The following IL1RAP variants were observed in gnomAD, a reference collection of about 807,000 sequenced individuals.
The protein encoded by IL1RAP is interleukin 1 receptor accessory protein.
IL1RAP carries 35 observed loss-of-function variants against 60.7 expected under a neutral mutation model. The observed-to-expected ratio is 0.58, with a 90% CI of 0.44 to 0.76. The LOEUF (loss-of-function observed/expected upper bound fraction) is 0.76. Among genes scored for constraint, IL1RAP ranks in the 30% least tolerant of loss-of-function variants. The pLI, the probability that IL1RAP is intolerant of heterozygous loss-of-function variation, is 0.00. For missense variants in IL1RAP, 572 were observed against 693.9 expected (o/e 0.82, Z 1.97); for synonymous variants, 268 against 250.9 (o/e 1.07, Z -0.64).
intron 1 of IL1RAP, among the ~76,000 whole-genome samples, chr3:190,534,271 T>G (rs1366084831): frequency 7.2e-6 from 1 of 138,440 alleles, no homozygotes; most frequent in Non-Finnish European, 1.5e-5. Context: ...CCAGCCCACT[T>G]CATTTTTTTT....
chr3:190,569,512 A>C (rs1466115688), intron 3 of IL1RAP, among the ~76,000 whole-genome samples: 1 of 152,172 alleles, frequency 6.6e-6, no homozygotes, highest in East Asian at 1.9e-4. Context: ...TCTTAGTCCT[A>C]AAGGTCATTG....
intron 1 of IL1RAP, among the ~76,000 whole-genome samples, chr3:190,555,110 G>GA (rs1423915606): frequency 6.6e-6 from 1 of 152,118 alleles, no homozygotes; most frequent in African/African-American, 2.4e-5. Flanking sequence ...TTTAAGGGGA[G>GA]AAAACCTCAG....
intron 1 of IL1RAP, among the ~76,000 whole-genome samples, chr3:190,521,036 A>C (rs1293032108): frequency 5.3e-5 from 8 of 152,180 alleles, no homozygotes; most frequent in Non-Finnish European, 1.5e-5. Flanking sequence ...GATCTGTAAA[A>C]TGGGGATAAT....
chr3:190,604,975 G>T (rs1055744733), intron 4 of IL1RAP, among the ~76,000 whole-genome samples: 3 of 152,080 alleles, frequency 2.0e-5, no homozygotes, highest in Non-Finnish European at 4.4e-5. Flanking sequence ...TGCACATCTA[G>T]CCCCCAAATC....
chr3:190,603,100 G>C (rs892562124), intron 3 of IL1RAP, among the ~76,000 whole-genome samples: 2 of 151,930 alleles, frequency 1.3e-5, no homozygotes, highest in South Asian at 4.2e-4. Flanking sequence ...AAGCCATTAC[G>C]CACAAGGACA....
chr3:190,620,327 T>G lies in IL1RAP; in HGVS notation c.590T>G (p.Leu197Trp). Residue 197 changes from leucine to tryptophan, a missense_variant, in exon 6 of 12, where the codon TTG becomes TGG. Transcript: ENST00000447382. ...FNNVIPEGMN[L>W]SFLIALISNN... ...AATGTAATACCCGAAGGTATGAACT[T>G]GAGTTTCCTCATTGCCTTAATTTCA... The G allele has an allele frequency of 6.2e-7, 1 of 1,602,810 alleles. No individual in the cohort carries two copies. The highest frequency in any genetic ancestry group is 8.5e-7 in the Non-Finnish European group (1 of 1,170,184).
rs145460094 is a variant in IL1RAP at position 190,619,667 on chromosome 3, A to G, written c.538-608A>G. Reference sequence around the variant, plus strand: ...TTGAACCCAGAAGACTGAGGTTGCAATGAGCTGAGATCACGCCACTGCACT... The same window carrying G: ...TTGAACCCAGAAGACTGAGGTTGCAGTGAGCTGAGATCACGCCACTGCACT... On this transcript the variant is annotated intron_variant, in intron 5 of 11. Transcript: ENST00000447382. Among the ~76,000 whole-genome samples the G allele has an allele frequency of 9.3e-3, 1,407 of 151,862 alleles. 19 individuals carry two copies. The highest frequency in any genetic ancestry group is 0.03 in the African/African-American group (1,257 of 41,396).
rs1721456170 is a variant in IL1RAP, at chr3:190,515,740, G to T, written c.-89+1521G>T. 2.6e-5 allele frequency among the ~76,000 whole-genome samples: 4 copies of T among 151,818 alleles called. No individual in the cohort carries two copies. In the South Asian group the frequency reaches 8.3e-4, roughly 32 times the overall value. ...CAAGAAGACAAAGTTGGAAGTTGCA[G>T]CTGTGTTACAGATTATTCTAAGCCT... On this transcript the variant is annotated intron_variant, in intron 1 of 11. Coordinates refer to ENST00000447382, the MANE Select transcript of IL1RAP (RefSeq NM_002182.4).
At chr3:190,613,145 A>G (rs1730966363) in intron 5 of IL1RAP, among the ~76,000 whole-genome samples, 1 of 152,028 alleles carries the variant, frequency 6.6e-6, no homozygotes, top group Admixed American at 6.6e-5. Flanking sequence ...AGAGATATGT[A>G]TCCTAGAAGA....
At chr3:190,609,405 C>T (rs1010574905) in intron 5 of IL1RAP, among the ~76,000 whole-genome samples, 2 of 152,158 alleles carry the variant, frequency 1.3e-5, no homozygotes, top group Middle Eastern at 3.2e-3. Context: ...ATTATTCTAA[C>T]TAGAATACCA....
At chr3:190,657,620 T>C (rs370730974) in exon 12 of IL1RAP, 1 of 152,210 alleles carries the variant, frequency 6.6e-6, no homozygotes, top group Non-Finnish European at 1.5e-5. Context: ...CTAGAACTGA[T>C]GTGAATAGGG....
intron 1 of IL1RAP, among the ~76,000 whole-genome samples, chr3:190,542,154 C>T (rs1452713331): frequency 2.6e-5 from 4 of 152,138 alleles, no homozygotes; most frequent in Non-Finnish European, 5.9e-5. Context: ...TTTCACAACC[C>T]TTGCTCCAGT....
chr3:190,526,460 G>A (rs1722521789), intron 1 of IL1RAP, among the ~76,000 whole-genome samples: 1 of 152,238 alleles, frequency 6.6e-6, no homozygotes, highest in Non-Finnish European at 1.5e-5. Flanking sequence ...TTGAATCAGT[G>A]AATTAATCTG....
intron 1 of IL1RAP, among the ~76,000 whole-genome samples, chr3:190,542,183 A>G (rs1284056880): frequency 2.6e-5 from 4 of 152,122 alleles, no homozygotes; most frequent in African/African-American, 2.4e-5. Flanking sequence ...ATCTTTCTTA[A>G]TTGATCTTTT....
rs1460757434 is a variant in IL1RAP, at chr3:190,651,305, T to C, written c.*2600T>C. Reference sequence around the variant, plus strand: ...TTTAATTCTCTTCTGTATTGTAACTTAGATGATTCCCAAGGACTCTAATAA... The same window carrying C: ...TTTAATTCTCTTCTGTATTGTAACTCAGATGATTCCCAAGGACTCTAATAA... On this transcript the variant is annotated 3_prime_UTR_variant, in exon 12 of 12. Coordinates refer to ENST00000447382, the MANE Select transcript of IL1RAP (RefSeq NM_002182.4). 1 of 945,754 alleles carries C rather than the reference T, an allele frequency of 1.1e-6. No individual in the cohort carries two copies. Among genetic ancestry groups the C allele is most frequent in the Non-Finnish European group, 1.3e-6 (1 of 793,824 alleles). 58.6% of individuals were successfully genotyped at this position (945,754 alleles called of 1,614,324 possible). A position where few individuals can be genotyped will look rare whatever the true frequency, so the allele number is the denominator to read the frequency against.
chr3:190,582,626 A>G (rs1383487298), intron 3 of IL1RAP, among the ~76,000 whole-genome samples: 1 of 151,506 alleles, frequency 6.6e-6, no homozygotes, highest in Non-Finnish European at 1.5e-5. Flanking sequence ...ACATTCTTAA[A>G]TTTTTCTGCA....
intron 2 of IL1RAP, among the ~76,000 whole-genome samples, chr3:190,558,274 T>TAA (rs1317870424): frequency 6.6e-6 from 1 of 152,158 alleles, no homozygotes; most frequent in Non-Finnish European, 1.5e-5. Context: ...TGTATGAAAG[T>TAA]AAGTTTTCAT....
chr3:190,587,678 TG>T (rs1453121423), intron 3 of IL1RAP, among the ~76,000 whole-genome samples: 3 of 152,234 alleles, frequency 2.0e-5, no homozygotes, highest in African/African-American at 7.2e-5. Context: ...AAAGAAAACA[TG>T]GTTTGAGATG....
chr3:190,556,351 T>C (rs1425810510), intron 2 of IL1RAP, 135 bp downstream of exon 2: 11 of 152,006 alleles, frequency 7.2e-5, no homozygotes, highest in Non-Finnish European at 4.4e-5. Flanking sequence ...TAATAAACAC[T>C]AATTGTCATA....
Sources: gnomAD v4.1 joint callset for allele counts (sites outside exome capture counted in the v4.1 genomes callset) on GRCh38, gnomAD v4.1.1 for gene constraint, MANE v1.5 for transcripts, NCBI Gene and HGNC (gene_info 2026-07-23, HGNC 2026-07-21) for gene names.